The following OR4K1 variants were observed in gnomAD, a reference collection of about 807,000 sequenced individuals.
OR4K1 encodes olfactory receptor family 4 subfamily K member 1, also known as olfactory receptor 4K1.
OR4K1 carries 16 observed loss-of-function variants against 14.4 expected under a neutral mutation model. The observed-to-expected ratio is 1.11, with a 90% CI of 0.75 to 1.68. The LOEUF (loss-of-function observed/expected upper bound fraction) is 1.68, where lower values mean the gene tolerates loss of function less well. OR4K1 is among the 40% of genes most tolerant of loss of function. OR4K1 has a pLI of 0.00. For synonymous variants in OR4K1, 181 were observed against 133.1 expected, an observed-to-expected ratio of 1.36 and a Z score of -2.48; for missense variants, 548 against 376.9, an observed-to-expected ratio of 1.45 and a Z score of -3.76.
At chr14:19,929,288 T>A (rs1484463959), upstream of OR4K1, among the ~76,000 whole-genome samples, 1 of 149,050 alleles carries the variant, frequency 6.7e-6, no homozygotes, top group African/African-American at 2.4e-5. Flanking sequence ...CTATTCTGTT[T>A]CATTTATTTT....
upstream of OR4K1, among the ~76,000 whole-genome samples, chr14:19,926,469 C>T (rs181304151): frequency 8.5e-5 from 13 of 152,334 alleles, no homozygotes; most frequent in African/African-American, 2.9e-4. Context: ...AGCAATAACC[C>T]TTAGATATTT....
chr14:19,936,242 A>C lies in OR4K1; in HGVS notation c.576A>C (p.Thr192=). ...PLVIELACMD[T]YEMEIMTLTN... Reference sequence around the variant, plus strand: ...TGATAGAGCTGGCTTGCATGGATACATATGAAATGGAAATTATGACCCTAA... The same window carrying C: ...TGATAGAGCTGGCTTGCATGGATACCTATGAAATGGAAATTATGACCCTAA... Residue 192 remains threonine (T), a synonymous_variant, in exon 2 of 2, where the codon ACA becomes ACC. Coordinates refer to ENST00000641172, the MANE Select transcript of OR4K1 (RefSeq NM_001004063.3). The C allele has an allele frequency of 6.2e-7, 1 of 1,614,232 alleles. No individual in the cohort carries two copies. The highest frequency in any genetic ancestry group is 8.5e-7 in the Non-Finnish European group (1 of 1,180,040).
At chr14:19,924,182 C>T in the OR4K1 span, among the ~76,000 whole-genome samples, 1 of 152,136 alleles carries the variant, frequency 6.6e-6, no homozygotes, top group Non-Finnish European at 1.5e-5. Flanking sequence ...GGGCGGATAA[C>T]CTGAGGTCAG....
At chr14:19,924,174 G>C in the OR4K1 span, among the ~76,000 whole-genome samples, 48 of 152,246 alleles carry the variant, frequency 3.2e-4, no homozygotes, top group African/African-American at 1.1e-3. Flanking sequence ...GCCGAAGTGG[G>C]CGGATAACCT....
the OR4K1 span, chr14:19,920,507 C>T: frequency 7.0e-7 from 1 of 1,419,028 alleles, no homozygotes; most frequent in Non-Finnish European, 9.5e-7. Flanking sequence ...TCTGAGATCT[C>T]AGAATCCCTC....
rs371690131 is a variant in OR4K1 at position 19,935,739 on chromosome 14, CT to C, written c.77del (p.Phe26SerfsTer8). Reference sequence around the variant, plus strand: ...ACTCTCTAATTCCTGGGGACTTCAACTTTTCTTTTTTGCCATCTTCTCTATA... The same window carrying C: ...ACTCTCTAATTCCTGGGGACTTCAACTTTCTTTTTTGCCATCTTCTCTATA... ...LGLSNSWGLQ[L>X]FFFAIFSIVY... On this transcript the variant is annotated frameshift_variant, in exon 2 of 2. Transcript: ENST00000641172. LOFTEE classifies it high-confidence loss of function. 4 of 1,613,768 alleles carry C rather than the reference CT, an allele frequency of 2.5e-6. No individual in the cohort carries two copies. The Admixed American group carries it at 6.7e-5, about 27-fold the overall frequency.
chr14:19,926,299 T>G (rs1882062699), upstream of OR4K1, among the ~76,000 whole-genome samples: 1 of 152,236 alleles, frequency 6.6e-6, no homozygotes, highest in South Asian at 2.1e-4. Flanking sequence ...TTCTGAACAT[T>G]TATAGTTTGT....
chr14:19,936,420 G>A lies in OR4K1; in HGVS notation c.754G>A (p.Gly252Arg), dbSNP rs768057389. 82 of 1,613,870 alleles carry A rather than the reference G, an allele frequency of 5.1e-5. No homozygotes were observed. Among genetic ancestry groups the A allele is most frequent in the South Asian group, 4.5e-4 (41 of 91,066 alleles). ...CATCACAGTGGTCATTCTTTTCTTC[G>A]GGCCTTGCATTTATTTCTATATATG... is the stretch of plus-strand genomic sequence containing the variant. ...AHITVVILFFGPCIYFYIWPF... is the reference protein window; with the variant it reads ...AHITVVILFFRPCIYFYIWPF... The change falls in exon 2 of 2, where the codon GGG becomes AGG. Residue 252 changes from glycine to arginine, a missense_variant. By Grantham distance (125) the Gly-to-Arg change is moderately radical. Transcript: ENST00000641172.
the OR4K1 span, among the ~76,000 whole-genome samples, chr14:19,923,062 A>G: frequency 1.3e-5 from 2 of 152,244 alleles, no homozygotes; most frequent in Non-Finnish European, 2.9e-5. Flanking sequence ...ATACTTAAGA[A>G]TTTCATCGCT....
At chr14:19,922,945 T>G in the OR4K1 span, among the ~76,000 whole-genome samples, 1 of 152,260 alleles carries the variant, frequency 6.6e-6, no homozygotes, top group Non-Finnish European at 1.5e-5. Flanking sequence ...ATTTTTGGTA[T>G]CTTTTTTTGT....
chr14:19,921,211 A>T, the OR4K1 span: 2 of 1,614,174 alleles, frequency 1.2e-6, no homozygotes, highest in Non-Finnish European at 1.7e-6. Flanking sequence ...ATTGTGGTCA[A>T]TAGTGGAATT....
At chr14:19,927,634 G>A (rs118130685), upstream of OR4K1, among the ~76,000 whole-genome samples, 3 of 152,146 alleles carry the variant, frequency 2.0e-5, no homozygotes, top group South Asian at 2.1e-4. Context: ...TGCTTGGTCT[G>A]TTGGCAGAAG....
rs747559384 is a variant in OR4K1 at position 19,936,158 on chromosome 14, GGA to G, written c.493_494del (p.Asp165ProfsTer8). The G allele has an allele frequency of 5.6e-6, 9 of 1,614,132 alleles. No individual in the cohort carries two copies. In the East Asian group the frequency reaches 2.0e-4, roughly 36 times the overall value. ...CTGTGAGCCACTTGGCTTTTACAGT[GGA>G]CCTGCCATTCTGTGGTCCCAATGAG... is the stretch of plus-strand genomic sequence containing the variant. Reference protein sequence around the residue: ...HSVSHLAFTVDLPFCGPNEVD... With the variant: ...HSVSHLAFTVXLPFCGPNEVD... On this transcript the variant is annotated frameshift_variant, in exon 2 of 2. Coordinates refer to ENST00000641172, the MANE Select transcript of OR4K1 (RefSeq NM_001004063.3). LOFTEE classifies it high-confidence loss of function.
chr14:19,924,305 C>T, the OR4K1 span, among the ~76,000 whole-genome samples: 2 of 145,192 alleles, frequency 1.4e-5, no homozygotes, highest in Admixed American at 7.4e-5. Context: ...GAGGCTGAGG[C>T]AGGAGAATCG....
chr14:19,920,722 T>G, the OR4K1 span: 2 of 1,614,174 alleles, frequency 1.2e-6, no homozygotes, highest in African/African-American at 1.3e-5. Context: ...ACAGTCATTG[T>G]GCTGGGAAAT....
intron 1 of OR4K1, among the ~76,000 whole-genome samples, chr14:19,932,396 C>G (rs1385245997): frequency 1.3e-5 from 2 of 152,060 alleles, no homozygotes; most frequent in South Asian, 2.1e-4. Context: ...CCTTTGTCTT[C>G]TTGAGCACCC....
At chr14:19,935,570 A>G in intron 1 of OR4K1, 78 bp from the exon 2 acceptor site, 2 of 1,070,988 alleles carry the variant, frequency 1.9e-6, no homozygotes, top group South Asian at 3.2e-5. Flanking sequence ...TTTAGAATTG[A>G]CTATATTTCT....
upstream of OR4K1, among the ~76,000 whole-genome samples, chr14:19,929,997 C>T (rs1594453551): frequency 1.3e-5 from 2 of 152,304 alleles, no homozygotes; most frequent in East Asian, 3.9e-4. Flanking sequence ...CATAATTTTA[C>T]AATCTTTAAC....
At chr14:19,920,522 T>C in the OR4K1 span, 1 of 1,478,210 alleles carries the variant, frequency 6.8e-7, no homozygotes, top group Non-Finnish European at 9.1e-7. Flanking sequence ...TCCCTCACCT[T>C]AAAAGTATTC....
Sources: gnomAD v4.1 joint callset for allele counts (sites outside exome capture counted in the v4.1 genomes callset) on GRCh38, gnomAD v4.1.1 for gene constraint, MANE v1.5 for transcripts, NCBI Gene and HGNC (gene_info 2026-07-23, HGNC 2026-07-21) for gene names.